The following CNTLN variants were observed in gnomAD, a reference collection of about 807,000 sequenced individuals.
The protein encoded by CNTLN is centlein, also known as centlein, centrosomal protein.
CNTLN carries 212 observed loss-of-function variants against 180.0 expected under a neutral mutation model. The ratio of observed to expected loss-of-function variants is 1.18; its 90% CI spans 1.05 to 1.32. CNTLN has a LOEUF of 1.32. CNTLN is among the 40% of genes most tolerant of loss of function. The pLI is 0.00. For synonymous variants in CNTLN, 722 were observed against 563.1 expected (o/e 1.28, Z -3.99); for missense variants, 2,095 against 1,610.9 (o/e 1.30, Z -5.14).
chr9:17,379,105 T>C lies in CNTLN; in HGVS notation c.1988-9057T>C, dbSNP rs150378615. ...CTCCACTGTCTTCTGGTGTGAATTGTTTCTGATAAGAATTCTGCTGTCATT... is the reference window on the plus strand; with the variant it reads ...CTCCACTGTCTTCTGGTGTGAATTGCTTCTGATAAGAATTCTGCTGTCATT... On this transcript the variant is annotated intron_variant, in intron 13 of 25. Coordinates refer to ENST00000380647, the MANE Select transcript of CNTLN (RefSeq NM_017738.4). 2.6e-5 allele frequency among the ~76,000 whole-genome samples: 4 copies of C among 152,250 alleles called. No individual in the cohort carries two copies. In the East Asian group the frequency reaches 7.7e-4, roughly 29 times the overall value.
intron 19 of CNTLN, among the ~76,000 whole-genome samples, 157 bp downstream of exon 19, chr9:17,457,872 G>T (rs936335629): frequency 6.6e-6 from 1 of 151,682 alleles, no homozygotes; most frequent in Non-Finnish European, 1.5e-5. Context: ...TTTTAGCCTG[G>T]TAGATTCTTA....
chr9:17,209,761 T>C (rs1375960842), intron 2 of CNTLN, among the ~76,000 whole-genome samples: 1 of 152,192 alleles, frequency 6.6e-6, no homozygotes, highest in East Asian at 1.9e-4. Context: ...GAGCCACAAC[T>C]ATAATTCACC....
At chr9:17,473,232 C>T (rs1001323827) in intron 23 of CNTLN, among the ~76,000 whole-genome samples, 1 of 152,166 alleles carries the variant, frequency 6.6e-6, no homozygotes, top group South Asian at 2.1e-4. Flanking sequence ...CATTCAGGCT[C>T]CACATTTCCC....
chr9:17,138,642 T>G (rs1489047159), intron 1 of CNTLN, among the ~76,000 whole-genome samples: 1 of 152,236 alleles, frequency 6.6e-6, no homozygotes, highest in Non-Finnish European at 1.5e-5. Flanking sequence ...GCTAATAATT[T>G]ACTAAGTGGC....
At chr9:17,463,311 T>G (rs978016366) in intron 20 of CNTLN, among the ~76,000 whole-genome samples, 10 of 151,688 alleles carry the variant, frequency 6.6e-5, no homozygotes, top group South Asian at 2.1e-4. Flanking sequence ...ACGTGGTGGT[T>G]ATTTGGCCCC....
Position 17,330,619 on chromosome 9 carries a change from C to A in CNTLN, c.1342-13C>A. The A allele has an allele frequency of 1.4e-6, 2 of 1,471,104 alleles. No homozygotes were observed. The highest frequency in any genetic ancestry group is 9.2e-7 in the Non-Finnish European group (1 of 1,087,366). 91.1% of individuals were successfully genotyped at this position (1,471,104 alleles called of 1,614,324 possible). On this transcript the variant is annotated splice_polypyrimidine_tract_variant and intron_variant, in intron 8 of 25. Coordinates refer to ENST00000380647, the MANE Select transcript of CNTLN (RefSeq NM_017738.4). The stretch of plus-strand genomic sequence containing the variant: ...ACATAGATATCTATTTACAATTATA[C>A]TTTTTAAAATAGGTACCTCATCGCC...
intron 2 of CNTLN, among the ~76,000 whole-genome samples, chr9:17,207,585 G>T (rs1300663860): frequency 1.3e-5 from 2 of 152,056 alleles, no homozygotes; most frequent in Non-Finnish European, 2.9e-5. Flanking sequence ...TCCCTTGGCT[G>T]GGGGAGGGAG....
chr9:17,337,879 C>G (rs1239407611), intron 10 of CNTLN, among the ~76,000 whole-genome samples: 1 of 152,128 alleles, frequency 6.6e-6, no homozygotes, highest in African/African-American at 2.4e-5. Flanking sequence ...TCTATTTACT[C>G]AGTTTCTGAT....
At chr9:17,512,959 G>A in the CNTLN span, among the ~76,000 whole-genome samples, 1 of 152,088 alleles carries the variant, frequency 6.6e-6, no homozygotes, top group Non-Finnish European at 1.5e-5. Context: ...TGGGACTACA[G>A]GCGCCCACCA....
At chr9:17,309,323 A>T (rs945331821) in intron 8 of CNTLN, 71 bp downstream of exon 8, 17 of 1,239,998 alleles carry the variant, frequency 1.4e-5, no homozygotes, top group Admixed American at 7.4e-5. Context: ...ATTGACTAAA[A>T]CATAAAAATT....
intron 6 of CNTLN, among the ~76,000 whole-genome samples, chr9:17,282,327 C>G (rs1317383032): frequency 6.6e-6 from 1 of 152,136 alleles, no homozygotes; most frequent in Non-Finnish European, 1.5e-5. Context: ...ATTTGCATTT[C>G]TCTAATGATC....
In CNTLN at chr9:17,357,605, A is replaced by ATG. The variant is rs1312930507; in HGVS notation, c.1887-9011_1887-9010insGT. Among the ~76,000 whole-genome samples, 272 of 94,082 alleles carry ATG rather than the reference A, an allele frequency of 2.9e-3. 2 individuals carry two copies. Among genetic ancestry groups the ATG allele is most frequent in the African/African-American group, 8.9e-3 (266 of 29,732 alleles). 61.7% of individuals were successfully genotyped at this position (94,082 alleles called of 152,430 possible). A position where few individuals can be genotyped will look rare whatever the true frequency, so the allele number is the denominator to read the frequency against. On this transcript the variant is annotated intron_variant, in intron 12 of 25. Transcript: ENST00000380647. ...ATATATATATATATAAATACTACAT[A>ATG]TATATATAAATACTACATATATATA...
At chr9:17,372,003 A>G (rs1173568414) in intron 13 of CNTLN, among the ~76,000 whole-genome samples, 1 of 152,186 alleles carries the variant, frequency 6.6e-6, no homozygotes, top group African/African-American at 2.4e-5. Context: ...AAATGCCTAC[A>G]TCAAAGAAGA....
intron 2 of CNTLN, among the ~76,000 whole-genome samples, chr9:17,201,263 A>G (rs183201365): frequency 9.2e-5 from 14 of 152,200 alleles, no homozygotes; most frequent in Admixed American, 6.5e-4. Context: ...TTTCGTATTG[A>G]TGTTCATTAA....
intron 2 of CNTLN, among the ~76,000 whole-genome samples, chr9:17,182,417 A>T (rs147628496): frequency 6.6e-6 from 1 of 152,044 alleles, no homozygotes; most frequent in Non-Finnish European, 1.5e-5. Flanking sequence ...TCTCTAGTCA[A>T]TCTGCCTTTT....
intron 6 of CNTLN, among the ~76,000 whole-genome samples, chr9:17,278,681 C>T (rs1438794076): frequency 2.0e-5 from 3 of 151,852 alleles, no homozygotes; most frequent in Non-Finnish European, 4.4e-5. Flanking sequence ...GTGAACTGTG[C>T]TATAGTTATT....
chr9:17,274,499 AT>A (rs1828178522), intron 6 of CNTLN, among the ~76,000 whole-genome samples: 1 of 144,108 alleles, frequency 6.9e-6, no homozygotes, highest in Non-Finnish European at 1.5e-5. Flanking sequence ...CTATCTATCT[AT>A]CTATGTATCT....
chr9:17,279,800 G>A (rs2002071), intron 6 of CNTLN, among the ~76,000 whole-genome samples: 1 of 85,720 alleles, frequency 1.2e-5, no homozygotes, highest in South Asian at 6.1e-4. Flanking sequence ...CAAAGTTCAT[G>A]TTGAAATTTA....
chr9:17,270,394 C>A (rs1013395145), intron 5 of CNTLN, among the ~76,000 whole-genome samples: 1 of 151,982 alleles, frequency 6.6e-6, no homozygotes, highest in East Asian at 1.9e-4. Context: ...CCTTTAATCT[C>A]TTAATGTGGT....
Sources: allele counts gnomAD v4.1 joint callset (sites outside exome capture counted in the v4.1 genomes callset), GRCh38; gene constraint gnomAD v4.1.1; transcripts MANE v1.5; gene names NCBI Gene and HGNC (gene_info 2026-07-23, HGNC 2026-07-21).